PDE4DIP: variants seen among roughly 807,000 people sequenced by gnomAD.
PDE4DIP encodes the protein phosphodiesterase 4D interacting protein.
A neutral mutation model predicts 221.4 loss-of-function variants in PDE4DIP; 59 were observed. That is an observed-to-expected ratio of 0.27 (90% CI 0.22 to 0.33). PDE4DIP has a LOEUF of 0.33. Ranked by LOEUF, PDE4DIP falls within the 10% of genes least tolerant of loss-of-function variation. The pLI is 1.00. For missense variants in PDE4DIP, 1,036 were observed against 2,154.2 expected, an observed-to-expected ratio of 0.48 and a Z score of 10.28; for synonymous variants, 404 against 815.9, an observed-to-expected ratio of 0.50 and a Z score of 8.60.
At chr1:148,915,561 C>T in intron 1 of PDE4DIP, 1 of 397,472 alleles carries the variant, frequency 2.5e-6, no homozygotes. Flanking sequence ...CCAGTTGAAC[C>T]TTCACCTTTT....
chr1:149,031,952 C>A (rs1553638511), exon 44 of PDE4DIP: 1 of 1,607,778 alleles, frequency 6.2e-7, no homozygotes, highest in Non-Finnish European at 8.5e-7. Flanking sequence ...AGGTGAAATC[C>A]CTAAGGGCTC....
chr1:148,971,873 A>AT (rs2059283747), intron 14 of PDE4DIP, among the ~76,000 whole-genome samples: 1 of 137,812 alleles, frequency 7.3e-6, no homozygotes, highest in Non-Finnish European at 1.6e-5. Context: ...TCAAACCAGA[A>AT]TCTTAACACC....
At chr1:148,958,419 T>G (rs1348568749) in intron 5 of PDE4DIP, among the ~76,000 whole-genome samples, 5 of 152,164 alleles carry the variant, frequency 3.3e-5, no homozygotes, top group African/African-American at 4.8e-5. Context: ...GTTAAAAAAC[T>G]GCAGTCTATT....
chr1:148,997,579 G>C (rs1200483042), intron 22 of PDE4DIP, among the ~76,000 whole-genome samples: 1 of 152,076 alleles, frequency 6.6e-6, no homozygotes, highest in Non-Finnish European at 1.5e-5. Context: ...TGTCTTCCCT[G>C]TCGCTCCACC....
intron 43 of PDE4DIP, among the ~76,000 whole-genome samples, chr1:149,031,518 T>G (rs1339153400): frequency 6.6e-6 from 1 of 151,886 alleles, no homozygotes; most frequent in Non-Finnish European, 1.5e-5. Context: ...CAACTGGACA[T>G]AAACTTAACA....
chr1:148,919,245 A>T (rs1284302717), intron 1 of PDE4DIP, among the ~76,000 whole-genome samples: 6 of 150,882 alleles, frequency 4.0e-5, no homozygotes, highest in East Asian at 1.9e-4. Context: ...AGCGTAAAAG[A>T]TGAGTAATGC....
Position 148,922,983 on chromosome 1 carries a change from G to T in PDE4DIP, c.142-6214G>T, listed in dbSNP as rs587743848. 7.9e-3 allele frequency among the ~76,000 whole-genome samples: 1,115 copies of T among 140,278 alleles called. 10 individuals carry two copies. The highest frequency in any genetic ancestry group is 0.011 in the Non-Finnish European group (731 of 65,274). 92.0% of individuals were successfully genotyped at this position (140,278 alleles called of 152,430 possible). ...GATGGAGTTTCGCTCTGTCACCCCGGCTGGAGTACAGTGGCACAATCTCGG... is the reference window on the plus strand; with the variant it reads ...GATGGAGTTTCGCTCTGTCACCCCGTCTGGAGTACAGTGGCACAATCTCGG... On this transcript the variant is annotated intron_variant, in intron 1 of 43. Coordinates refer to ENST00000369354, the Ensembl canonical transcript of PDE4DIP.
intron 1 of PDE4DIP, among the ~76,000 whole-genome samples, chr1:148,821,078 C>T (rs112849685): frequency 6.7e-4 from 100 of 149,902 alleles, no homozygotes; most frequent in Non-Finnish European, 1.1e-3. Context: ...GTCTCGATCT[C>T]CTGACCTCGT....
At chr1:148,935,089 C>T (rs1198562773) in intron 4 of PDE4DIP, among the ~76,000 whole-genome samples, 1 of 152,022 alleles carries the variant, frequency 6.6e-6, no homozygotes, top group African/African-American at 2.4e-5. Context: ...TGGCGCATGC[C>T]TGTAGTCCCA....
intron 21 of PDE4DIP, chr1:148,982,039 A>G (rs1553543931): frequency 6.5e-6 from 1 of 153,962 alleles, no homozygotes; most frequent in African/African-American, 2.4e-5. Context: ...GGCCAAGTTA[A>G]AGAACAGAGG....
chr1:149,020,272 G>A (rs782600791), exon 36 of PDE4DIP: 2 of 527,830 alleles, frequency 3.8e-6, no homozygotes, highest in Non-Finnish European at 6.6e-6. Flanking sequence ...AGACTTGAGG[G>A]AGAAGCAGCA....
intron 29 of PDE4DIP, 199 bp from the exon 33 acceptor site, chr1:149,009,369 G>A: frequency 1.7e-6 from 1 of 586,594 alleles, no homozygotes; most frequent in South Asian, 2.0e-5. Context: ...AGCATATTAT[G>A]TGGCCAGAGC....
intron 41 of PDE4DIP, among the ~76,000 whole-genome samples, chr1:149,029,446 C>G (rs1300424182): frequency 6.6e-6 from 1 of 152,216 alleles, no homozygotes; most frequent in African/African-American, 2.4e-5. Context: ...AACTCTCAAT[C>G]TTACCTGTGA....
intron 23 of PDE4DIP, among the ~76,000 whole-genome samples, chr1:149,000,604 A>AAAT (rs2065424182): frequency 6.6e-6 from 1 of 151,970 alleles, no homozygotes; most frequent in Non-Finnish European, 1.5e-5. Context: ...GTGGAACTTA[A>AAAT]GTAAAATGTG....
At chr1:148,979,946 C>T in intron 20 of PDE4DIP, 97 bp downstream of exon 23, 1 of 1,440,622 alleles carries the variant, frequency 6.9e-7, no homozygotes. Context: ...AGTGCAGATG[C>T]TTATGATACT....
At position 148,952,425 on chromosome 1, in the gene PDE4DIP, G is replaced by C. The variant is rs587770288; in HGVS notation, c.637-8229G>C. On this transcript the variant is annotated intron_variant, in intron 5 of 43. Coordinates refer to ENST00000369354, the Ensembl canonical transcript of PDE4DIP. ...CTGCGCGGCCGGCCGCTGCTGCTCC[G>C]GGAGCCCAGTCTGCTAAAAGGGGAG... 2.8e-6 allele frequency: 3 copies of C among 1,083,986 alleles called. No individual in the cohort carries two copies. The East Asian group carries it at 1.5e-4, about 54-fold the overall frequency. The allele number at this position is 1,083,986 out of a possible 1,614,324, so 67.1% of individuals were successfully genotyped here.
intron 5 of PDE4DIP, among the ~76,000 whole-genome samples, chr1:148,960,222 G>A (rs1291284275): frequency 4.6e-5 from 7 of 152,248 alleles, no homozygotes; most frequent in Non-Finnish European, 7.3e-5. Flanking sequence ...TGTGAAACAA[G>A]CATGTTGTAA....
At position 148,990,369 on chromosome 1, in the gene PDE4DIP, G is replaced by A. The variant is rs3738656; in HGVS notation, c.2816-1516G>A. On this transcript the variant is annotated intron_variant, in intron 21 of 43. Coordinates refer to ENST00000369354, the Ensembl canonical transcript of PDE4DIP. Reference sequence around the variant, plus strand: ...ATGAGATGAGCATTTATTTGTCTCCGTCGAATTCCTTACGGAGATAAGGTA... The same window carrying A: ...ATGAGATGAGCATTTATTTGTCTCCATCGAATTCCTTACGGAGATAAGGTA... 4.7e-5 allele frequency: 46 copies of A among 985,012 alleles called. No individual in the cohort carries two copies. The South Asian group carries it at 1.3e-3, about 28-fold the overall frequency. 61.0% of individuals were successfully genotyped at this position (985,012 alleles called of 1,614,324 possible). A position where few individuals can be genotyped will look rare whatever the true frequency, so the allele number is the denominator to read the frequency against.
At chr1:148,893,228 A>G (rs1221788083) in intron 1 of PDE4DIP, among the ~76,000 whole-genome samples, 3 of 135,068 alleles carry the variant, frequency 2.2e-5, no homozygotes, top group Admixed American at 7.5e-5. Context: ...CTGGGATTAC[A>G]GGCATGAGCC....
Sources: gnomAD v4.1 joint callset for allele counts (sites outside exome capture counted in the v4.1 genomes callset) on GRCh38, gnomAD v4.1.1 for gene constraint, MANE v1.5 for transcripts, NCBI Gene and HGNC (gene_info 2026-07-23, HGNC 2026-07-21) for gene names.